Variants in HECW1 observed in about 807,000 individuals in gnomAD.
The protein encoded by HECW1 is HECT, C2 and WW domain containing E3 ubiquitin protein ligase 1, also known as E3 ubiquitin-protein ligase HECW1.
Under a neutral mutation model 182.3 loss-of-function variants are expected in HECW1, and 61 were observed. The observed-to-expected ratio is 0.33, with a 90% CI of 0.27 to 0.41. The LOEUF (loss-of-function observed/expected upper bound fraction) is 0.41, where lower values mean the gene tolerates loss of function less well. Ranked by LOEUF, HECW1 falls within the 10% of genes least tolerant of loss-of-function variation. HECW1 has a pLI of 1.00. For synonymous variants in HECW1, 859 were observed against 832.6 expected, an observed-to-expected ratio of 1.03 and a Z score of -0.55; for missense variants, 1,739 against 2,108.9, an observed-to-expected ratio of 0.82 and a Z score of 3.44.
chr7:43,233,774 C>T (rs1394176711), intron 2 of HECW1, among the ~76,000 whole-genome samples: 1 of 152,216 alleles, frequency 6.6e-6, no homozygotes, highest in Non-Finnish European at 1.5e-5. Flanking sequence ...AGTCTCAAAG[C>T]CTCCACTTGC....
chr7:43,119,329 CTT>C (rs1184250199), intron 2 of HECW1: 2 of 152,470 alleles, frequency 1.3e-5, no homozygotes, highest in African/African-American at 2.4e-5. Context: ...GGGGACCACT[CTT>C]TTCTTAAGCA....
chr7:43,272,551 C>A (rs1208622096), intron 3 of HECW1, among the ~76,000 whole-genome samples: 1 of 152,118 alleles, frequency 6.6e-6, no homozygotes, highest in Non-Finnish European at 1.5e-5. Flanking sequence ...GACATATAAG[C>A]AGCCAGCAAA....
chr7:43,353,156 AAT>A (rs1006409872), intron 5 of HECW1, among the ~76,000 whole-genome samples: 1 of 151,892 alleles, frequency 6.6e-6, no homozygotes. Flanking sequence ...TGAAAATATA[AAT>A]ATATATATAT....
chr7:43,259,917 A>C (rs1181435060), intron 3 of HECW1, among the ~76,000 whole-genome samples: 2 of 152,250 alleles, frequency 1.3e-5, no homozygotes, highest in East Asian at 3.8e-4. Context: ...AACAGCTGAA[A>C]TATATGGGAT....
intron 2 of HECW1, among the ~76,000 whole-genome samples, chr7:43,119,397 C>G (rs888006169): frequency 2.6e-5 from 4 of 152,340 alleles, no homozygotes; most frequent in African/African-American, 9.6e-5. Context: ...CTCTCTGGCT[C>G]TTCTCTCTCA....
chr7:43,319,190 A>C (rs974271606), intron 4 of HECW1, among the ~76,000 whole-genome samples: 1 of 151,648 alleles, frequency 6.6e-6, no homozygotes, highest in Non-Finnish European at 1.5e-5. Flanking sequence ...GATCGAGACC[A>C]TCCTGGGTAA....
At chr7:43,215,673 A>G (rs1796380229) in intron 2 of HECW1, among the ~76,000 whole-genome samples, 1 of 152,220 alleles carries the variant, frequency 6.6e-6, no homozygotes, top group African/African-American at 2.4e-5. Flanking sequence ...AGGCCCTTGT[A>G]TAATCAATTT....
chr7:43,333,411 G>C (rs1362823155), intron 5 of HECW1, among the ~76,000 whole-genome samples: 2 of 152,160 alleles, frequency 1.3e-5, no homozygotes, highest in Non-Finnish European at 2.9e-5. Context: ...AATCGCCCCT[G>C]TTTTGGTGCA....
At chr7:43,445,750 G>A (rs2077036012) in intron 11 of HECW1, among the ~76,000 whole-genome samples, 180 bp downstream of exon 11, 2 of 152,218 alleles carry the variant, frequency 1.3e-5, no homozygotes, top group South Asian at 4.1e-4. Flanking sequence ...AGATGACTGT[G>A]AGTAGCTGAC....
chr7:43,494,585 C>T (rs1299286109), intron 19 of HECW1, among the ~76,000 whole-genome samples: 1 of 151,532 alleles, frequency 6.6e-6, no homozygotes, highest in Non-Finnish European at 1.5e-5. Flanking sequence ...CTCACTGCAA[C>T]ATCTGCCTCC....
At chr7:43,411,942 A>T (rs1185327425) in intron 8 of HECW1, among the ~76,000 whole-genome samples, 2 of 152,162 alleles carry the variant, frequency 1.3e-5, no homozygotes, top group Admixed American at 6.5e-5. Context: ...TTACCATTTA[A>T]CATATTTATT....
intron 3 of HECW1, among the ~76,000 whole-genome samples, chr7:43,307,086 CA>C (rs1295053085): frequency 6.6e-6 from 1 of 151,938 alleles, no homozygotes; most frequent in Non-Finnish European, 1.5e-5. Flanking sequence ...AAACCAAAAA[CA>C]AAAAAACCAG....
chr7:43,128,279 C>A (rs1786506183), intron 2 of HECW1, among the ~76,000 whole-genome samples: 1 of 152,184 alleles, frequency 6.6e-6, no homozygotes, highest in Admixed American at 6.5e-5. Flanking sequence ...GGCTTCAAAT[C>A]TTCAAAAAAT....
chr7:43,310,590 G>C (rs6463180), intron 3 of HECW1, among the ~76,000 whole-genome samples: 2 of 151,944 alleles, frequency 1.3e-5, no homozygotes, highest in Non-Finnish European at 2.9e-5. Context: ...GAATGCCAAC[G>C]CTGTGCTTTC....
In HECW1 at chr7:43,113,006, C is replaced by G. The variant is rs530531729; in HGVS notation, c.-267+69C>G. 1.5e-3 allele frequency: 300 copies of G among 194,192 alleles called. 2 individuals are homozygous for G. The highest frequency in any genetic ancestry group is 6.6e-3 in the African/African-American group (284 of 43,188). 12.0% of individuals were successfully genotyped at this position (194,192 alleles called of 1,614,324 possible). A position where few individuals can be genotyped will look rare whatever the true frequency, so the allele number is the denominator to read the frequency against. On this transcript the variant is annotated intron_variant, in intron 1 of 29. Transcript: ENST00000395891. ...CCCCGCCCTTCTCTGGGCGGCTTCC[C>G]CGCCGCACGCGAGGCCCCGGCAGCG...
At chr7:43,544,830 A>C (rs891039166) in intron 26 of HECW1, among the ~76,000 whole-genome samples, 1 of 152,218 alleles carries the variant, frequency 6.6e-6, no homozygotes, top group South Asian at 2.1e-4. Context: ...AATCATGAGC[A>C]ATAAACAGGG....
chr7:43,143,477 G>A (rs371624684), intron 2 of HECW1, among the ~76,000 whole-genome samples: 1 of 151,776 alleles, frequency 6.6e-6, no homozygotes, highest in Admixed American at 6.6e-5. Context: ...TTAGAGACAG[G>A]CTCTCACCAT....
intron 5 of HECW1, among the ~76,000 whole-genome samples, chr7:43,325,103 A>C (rs899208662): frequency 2.6e-5 from 4 of 152,242 alleles, no homozygotes; most frequent in Non-Finnish European, 5.9e-5. Flanking sequence ...TAAAAATACT[A>C]AAGAAAATAA....
At chr7:43,239,930 CT>C (rs1337329241) in intron 2 of HECW1, 2 of 152,182 alleles carry the variant, frequency 1.3e-5, no homozygotes, top group Non-Finnish European at 1.5e-5. Context: ...GGACTTCTGG[CT>C]TTCTTCTAGG....
Sources: allele counts gnomAD v4.1 joint callset (sites outside exome capture counted in the v4.1 genomes callset), GRCh38; gene constraint gnomAD v4.1.1; transcripts MANE v1.5; gene names NCBI Gene and HGNC (gene_info 2026-07-23, HGNC 2026-07-21).